The following FRMD6 variants were observed in gnomAD, a reference collection of about 807,000 sequenced individuals.
FRMD6 encodes the protein FERM domain-containing protein 6.
FRMD6 carries 37 observed loss-of-function variants against 73.2 expected under a neutral mutation model. That is an observed-to-expected ratio of 0.51 (90% confidence interval 0.39 to 0.66). The LOEUF (loss-of-function observed/expected upper bound fraction) is 0.66, where lower values mean the gene tolerates loss of function less well. Ranked by LOEUF, FRMD6 falls within the 30% of genes least tolerant of loss-of-function variation. The pLI is 0.00. For synonymous variants in FRMD6, 273 were observed against 282.2 expected (o/e 0.97, Z 0.33); for missense variants, 714 against 780.5 (o/e 0.91, Z 1.02).
chr14:51,418,959 C>G, the FRMD6 span, among the ~76,000 whole-genome samples: 9 of 152,230 alleles, frequency 5.9e-5, no homozygotes, highest in African/African-American at 2.2e-4. Context: ...GTAAGCAAGG[C>G]TCTGTGGGCT....
the FRMD6 span, among the ~76,000 whole-genome samples, chr14:51,474,678 C>T: frequency 6.6e-6 from 1 of 152,050 alleles, no homozygotes; most frequent in Non-Finnish European, 1.5e-5. Flanking sequence ...GGGAGTGATG[C>T]AGGATAAGTT....
intron 1 of FRMD6, among the ~76,000 whole-genome samples, chr14:51,558,306 A>G (rs911342323): frequency 6.6e-6 from 1 of 152,076 alleles, no homozygotes; most frequent in African/African-American, 2.4e-5. Flanking sequence ...TGTCTCTACT[A>G]AAAATACAAA....
Position 51,719,215 on chromosome 14 carries a change from G to A in FRMD6, c.1025-840G>A, listed in dbSNP as rs944624693. Among the ~76,000 whole-genome samples, 4 of 138,204 alleles carry A rather than the reference G, an allele frequency of 2.9e-5. No individual in the cohort carries two copies. The Admixed American group carries it at 3.0e-4, about 10-fold the overall frequency. 90.7% of individuals were successfully genotyped at this position (138,204 alleles called of 152,430 possible). The stretch of plus-strand genomic sequence containing the variant: ...TGGGTTGTAACTTTGTGCCTTAATG[G>A]AATGGTTAGTTTATATGTAATAAAA... On this transcript the variant is annotated intron_variant, in intron 10 of 13. Coordinates refer to ENST00000344768, the MANE Select transcript of FRMD6 (RefSeq NM_001267046.2).
chr14:51,693,143 A>C (rs1370216210), intron 2 of FRMD6, among the ~76,000 whole-genome samples: 1 of 152,128 alleles, frequency 6.6e-6, no homozygotes, highest in African/African-American at 2.4e-5. Context: ...TTCAAATCTC[A>C]TATCTGAATG....
chr14:51,477,692 A>G, the FRMD6 span, among the ~76,000 whole-genome samples: 1 of 151,436 alleles, frequency 6.6e-6, no homozygotes, highest in African/African-American at 2.4e-5. Flanking sequence ...ATAATGAGCT[A>G]GTGTTCTTTT....
At position 51,615,422 on chromosome 14, in the gene FRMD6, A is replaced by T. The variant is rs1321878391; in HGVS notation, c.-147+45012A>T. Among the ~76,000 whole-genome samples, 6 of 152,322 alleles carry T rather than the reference A, an allele frequency of 3.9e-5. No homozygotes were observed. In the South Asian group the frequency reaches 1.2e-3, roughly 32 times the overall value. On this transcript the variant is annotated intron_variant, in intron 2 of 14. Transcript: ENST00000356218. ...TTATAAATTCATCCTAAGCAAGTAA[A>T]CATGACATTATTCTGTGGCATAATA... is the stretch of plus-strand genomic sequence containing the variant.
intron 2 of FRMD6, among the ~76,000 whole-genome samples, chr14:51,640,677 C>T (rs1318525586): frequency 6.6e-6 from 1 of 151,964 alleles, no homozygotes; most frequent in Non-Finnish European, 1.5e-5. Flanking sequence ...ATATGATGAA[C>T]AATAAAAGTA....
chr14:51,685,095 A>G (rs1003703606), intron 1 of FRMD6, among the ~76,000 whole-genome samples: 7 of 152,188 alleles, frequency 4.6e-5, no homozygotes, highest in African/African-American at 7.2e-5. Context: ...TTAACATACC[A>G]TAAGTACCTA....
At chr14:51,440,985 A>G in the FRMD6 span, among the ~76,000 whole-genome samples, 1 of 152,240 alleles carries the variant, frequency 6.6e-6, no homozygotes, top group African/African-American at 2.4e-5. Context: ...TTAGATGTTT[A>G]GAACATCTTT....
chr14:51,727,950 A>G lies in FRMD6; in HGVS notation c.1790A>G (p.Asp597Gly), dbSNP rs571099241. The G allele has an allele frequency of 5.6e-6, 9 of 1,614,132 alleles. No individual in the cohort carries two copies. Among genetic ancestry groups the G allele is most frequent in the Middle Eastern group, 3.3e-4 (2 of 6,062 alleles). The change falls in exon 14 of 14, where the codon GAT becomes GGT. Residue 597 changes from aspartate (D) to glycine (G), a missense_variant. Asp to Gly is a moderately conservative substitution (Grantham distance 94). Coordinates refer to ENST00000344768, the MANE Select transcript of FRMD6 (RefSeq NM_001267046.2). ...CLAQQCINIQ[D>G]AFPVKRTSKY... ...GCCCAGCAGTGCATCAACATCCAAGATGCTTTTCCAGTCAAAAGAACCAGC... is the reference window on the plus strand; with the variant it reads ...GCCCAGCAGTGCATCAACATCCAAGGTGCTTTTCCAGTCAAAAGAACCAGC...
In FRMD6 at chr14:51,644,387, A is replaced by ACACACACACACTCT. The variant is rs1489278384; in HGVS notation, c.-146-45303_-146-45302insACACACACACTCTC. ...CACACACACACACACACACACACACACTCACTCACTCTCTCTCTCTCTCTC... is the reference window on the plus strand; with the variant it reads ...CACACACACACACACACACACACACACACACACACACTCTCTCACTCACTCTCTCTCTCTCTCTC... On this transcript the variant is annotated intron_variant, in intron 2 of 14. Transcript: ENST00000356218. Among the ~76,000 whole-genome samples, 147 of 115,050 alleles carry ACACACACACACTCT rather than the reference A, an allele frequency of 1.3e-3. 1 individual carries two copies. The highest frequency in any genetic ancestry group is 9.7e-3 in the Admixed American group (107 of 11,026). 75.5% of individuals were successfully genotyped at this position (115,050 alleles called of 152,430 possible).
chr14:51,449,428 T>A, the FRMD6 span, among the ~76,000 whole-genome samples: 1 of 152,184 alleles, frequency 6.6e-6, no homozygotes. Context: ...TCACAGCTTA[T>A]GGGATTATCA....
At chr14:51,636,412 T>C (rs1566517125) in intron 2 of FRMD6, among the ~76,000 whole-genome samples, 2 of 152,178 alleles carry the variant, frequency 1.3e-5, no homozygotes, top group Non-Finnish European at 2.9e-5. Context: ...GATCACTGCC[T>C]GACTGTTGGT....
At position 51,635,378 on chromosome 14, in the gene FRMD6, C is replaced by CCTAT. The variant is rs533798856; in HGVS notation, c.-146-54310_-146-54307dup. ...GCACTGCACTGCACTCCAGCAGGAC[C>CCTAT]CTATCTTTTTAAAACAAAACAAAAC... On this transcript the variant is annotated intron_variant, in intron 2 of 14. Transcript: ENST00000356218. 2.1e-3 allele frequency among the ~76,000 whole-genome samples: 323 copies of CCTAT among 152,168 alleles called. 1 individual carries two copies. Among genetic ancestry groups the CCTAT allele is most frequent in the Non-Finnish European group, 3.8e-3 (260 of 68,014 alleles).
chr14:51,399,217 A>G, the FRMD6 span, among the ~76,000 whole-genome samples: 2 of 152,100 alleles, frequency 1.3e-5, no homozygotes, highest in African/African-American at 4.8e-5. Flanking sequence ...TAAACATTGC[A>G]TTCAGCAGGT....
At chr14:51,727,215 CTG>C (rs1898016751) in intron 13 of FRMD6, among the ~76,000 whole-genome samples, 1 of 151,662 alleles carries the variant, frequency 6.6e-6, no homozygotes, top group African/African-American at 2.4e-5. Flanking sequence ...AAGAGAAAAA[CTG>C]TGTTTCTTGG....
intron 2 of FRMD6, among the ~76,000 whole-genome samples, chr14:51,613,357 A>G (rs1890587255): frequency 6.6e-6 from 1 of 152,184 alleles, no homozygotes; most frequent in Non-Finnish European, 1.5e-5. Context: ...AGGAATTCAA[A>G]GATGCCTGTG....
At chr14:51,710,465 C>G (rs116965308) in intron 7 of FRMD6, among the ~76,000 whole-genome samples, 1 of 152,096 alleles carries the variant, frequency 6.6e-6, no homozygotes, top group Admixed American at 6.6e-5. Flanking sequence ...TCTGTACATC[C>G]TTGAAAGCGA....
intron 1 of FRMD6, among the ~76,000 whole-genome samples, chr14:51,566,347 C>T (rs1177970104): frequency 6.6e-6 from 1 of 152,134 alleles, no homozygotes; most frequent in Non-Finnish European, 1.5e-5. Flanking sequence ...AATCGATTGT[C>T]CAGAGTAAAG....
Sources: gnomAD v4.1 joint callset for allele counts (sites outside exome capture counted in the v4.1 genomes callset) on GRCh38, gnomAD v4.1.1 for gene constraint, MANE v1.5 for transcripts, NCBI Gene and HGNC (gene_info 2026-07-23, HGNC 2026-07-21) for gene names.